PAIP1: variants seen among roughly 807,000 people sequenced by gnomAD.
PAIP1 encodes the protein poly(A) binding protein interacting protein 1, also known as polyadenylate-binding protein-interacting protein 1.
Under a neutral mutation model 61.3 loss-of-function variants are expected in PAIP1, and 16 were observed. That is an observed-to-expected ratio of 0.26 (90% CI 0.18 to 0.40). The LOEUF (loss-of-function observed/expected upper bound fraction) is 0.40. Ranked by LOEUF, PAIP1 falls within the 10% of genes least tolerant of loss-of-function variation. The pLI is 1.00. For synonymous variants in PAIP1, 187 were observed against 226.2 expected, an observed-to-expected ratio of 0.83 and a Z score of 1.56; for missense variants, 416 against 600.9, an observed-to-expected ratio of 0.69 and a Z score of 3.22.
chr5:43,543,191 AAAG>A (rs934405350), intron 3 of PAIP1, 75 bp from the exon 4 acceptor site: 16 of 706,838 alleles, frequency 2.3e-5, no homozygotes, highest in Non-Finnish European at 3.6e-5. Flanking sequence ...GCAACATTCT[AAAG>A]AAGAAAAAAT....
chr5:43,556,827 CG>C lies in PAIP1; in HGVS notation c.19del (p.Arg7GlyfsTer88). 6.9e-7 allele frequency: 1 copy of C among 1,451,148 alleles called. No individual in the cohort carries two copies. The allele number at this position is 1,451,148 out of a possible 1,614,324, so 89.9% of individuals were successfully genotyped here. ...CCGGCCCCGACCAGCACCTGGGGCC[CG>C]ATCGAAACCGTCCGACATGCTCCTC... MSDGFD[R>X]APGAGRGRSR... On this transcript the variant is annotated frameshift_variant, in exon 1 of 11. Transcript: ENST00000306846. LOFTEE classifies it high-confidence loss of function.
Position 43,556,054 on chromosome 5 carries a change from C to T in PAIP1, c.266-55G>A, listed in dbSNP as rs2111613167. Reference sequence around the variant, plus strand: ...ATGCATTCTTTCCTTTGTACAGCAACTTGCTATATACTGAAAAACCATCTG... The same window carrying T: ...ATGCATTCTTTCCTTTGTACAGCAATTTGCTATATACTGAAAAACCATCTG... On this transcript the variant is annotated intron_variant, in intron 1 of 10. Coordinates refer to ENST00000306846, the MANE Select transcript of PAIP1 (RefSeq NM_006451.5). The T allele has an allele frequency of 6.4e-6, 10 of 1,568,112 alleles. No individual in the cohort carries two copies. The South Asian group carries it at 1.2e-4, about 18-fold the overall frequency.
At chr5:43,541,288 C>CTTT (rs777778938) in intron 4 of PAIP1, among the ~76,000 whole-genome samples, 135 of 25,198 alleles carry the variant, frequency 5.4e-3, no homozygotes, top group Non-Finnish European at 7.9e-3. Context: ...CCACGCCCAG[C>CTTT]TTTTTTTTTT....
intron 10 of PAIP1, among the ~76,000 whole-genome samples, chr5:43,529,129 G>GAA (rs10665308): frequency 0.92 from 130,852 of 142,684 alleles, 60,142 homozygotes; most frequent in East Asian, 0.98. Context: ...TAGTTCTCAA[G>GAA]AAAAAAAAAA....
intron 2 of PAIP1, among the ~76,000 whole-genome samples, chr5:43,550,531 C>A (rs954318000): frequency 6.6e-6 from 1 of 152,098 alleles, no homozygotes; most frequent in Non-Finnish European, 1.5e-5. Flanking sequence ...TAGCCACCAG[C>A]TGCATATATG....
chr5:43,547,042 C>CCAAAAAAAAAA (rs1747664472), intron 3 of PAIP1, among the ~76,000 whole-genome samples: 2 of 35,664 alleles, frequency 5.6e-5, no homozygotes, highest in Non-Finnish European at 9.2e-5. Flanking sequence ...GACTCCATAT[C>CCAAAAAAAAAA]AAAAAAAAAA....
At chr5:43,532,483 TATG>T (rs371033245) in intron 9 of PAIP1, among the ~76,000 whole-genome samples, 115 of 152,312 alleles carry the variant, frequency 7.6e-4, no homozygotes, top group Admixed American at 2.4e-3. Context: ...AGATAATTCC[TATG>T]ATATCATCCT....
At chr5:43,552,385 G>A (rs1362262929) in intron 2 of PAIP1, among the ~76,000 whole-genome samples, 1 of 152,184 alleles carries the variant, frequency 6.6e-6, no homozygotes, top group Non-Finnish European at 1.5e-5. Flanking sequence ...AAATGAAAAT[G>A]TATGCCTAGA....
intron 3 of PAIP1, 60 bp from the exon 4 acceptor site, chr5:43,543,176 T>A: frequency 1.2e-6 from 1 of 815,326 alleles, no homozygotes; most frequent in Non-Finnish European, 2.1e-6. Context: ...TGTAAATACT[T>A]AACAGCAACA....
chr5:43,556,860 C>G lies in PAIP1; in HGVS notation c.-14G>C, dbSNP rs942652694. 8 of 1,408,978 alleles carry G rather than the reference C, an allele frequency of 5.7e-6. No homozygotes were observed. Among genetic ancestry groups the G allele is most frequent in the Non-Finnish European group, 3.7e-6 (4 of 1,085,386 alleles). 87.3% of individuals were successfully genotyped at this position (1,408,978 alleles called of 1,614,324 possible). ...ACCGTCCGACATGCTCCTCCTCCTC[C>G]GCCTCCTCCTCCAGGGGCCGCTGCC... On this transcript the variant is annotated 5_prime_UTR_variant, in exon 1 of 11. Transcript: ENST00000306846.
At chr5:43,530,148 T>G (rs1023656662) in intron 9 of PAIP1, among the ~76,000 whole-genome samples, 8 of 152,238 alleles carry the variant, frequency 5.3e-5, no homozygotes, top group African/African-American at 1.9e-4. Context: ...GAACAGTCCT[T>G]CCATTGGAAA....
At chr5:43,550,058 AAAGTTGCATGTAC>A (rs1345072041) in intron 2 of PAIP1, among the ~76,000 whole-genome samples, 2 of 151,246 alleles carry the variant, frequency 1.3e-5, no homozygotes, top group Non-Finnish European at 3.0e-5. Context: ...ATACTTAGCA[AAAGTTGCATGTAC>A]TATGAGAGGC....
chr5:43,534,999 G>T, intron 7 of PAIP1, 29 bp from the exon 8 acceptor site: 1 of 1,225,304 alleles, frequency 8.2e-7, no homozygotes, highest in Non-Finnish European at 1.2e-6. Context: ...ATGAGTTAGT[G>T]TATCCACCAT....
chr5:43,547,517 T>C (rs1315894494), intron 3 of PAIP1, among the ~76,000 whole-genome samples: 1 of 152,214 alleles, frequency 6.6e-6, no homozygotes, highest in Non-Finnish European at 1.5e-5. Context: ...GAATCTTGAC[T>C]ACACATGTGA....
chr5:43,547,300 T>TA (rs1747679901), intron 3 of PAIP1, among the ~76,000 whole-genome samples: 1 of 152,140 alleles, frequency 6.6e-6, no homozygotes, highest in South Asian at 2.1e-4. Flanking sequence ...TTTCCTCCCC[T>TA]ACTCTAATAC....
At chr5:43,544,416 G>GC (rs1401947509) in intron 3 of PAIP1, among the ~76,000 whole-genome samples, 1 of 152,058 alleles carries the variant, frequency 6.6e-6, no homozygotes, top group African/African-American at 2.4e-5. Flanking sequence ...TATTGGCACT[G>GC]CATGTTTTCC....
At chr5:43,556,511 C>T in intron 1 of PAIP1, 71 bp downstream of exon 1, 1 of 1,224,522 alleles carries the variant, frequency 8.2e-7, no homozygotes, top group Non-Finnish European at 1.0e-6. Flanking sequence ...CGCGTCGGGC[C>T]TCGGCACGCG....
intron 3 of PAIP1, among the ~76,000 whole-genome samples, chr5:43,545,395 A>C (rs1338623494): frequency 6.6e-6 from 1 of 152,224 alleles, no homozygotes; most frequent in East Asian, 1.9e-4. Context: ...TCTTTTTGAC[A>C]GAGTACGTCC....
At chr5:43,551,583 T>C (rs1441775948) in intron 2 of PAIP1, among the ~76,000 whole-genome samples, 1 of 152,188 alleles carries the variant, frequency 6.6e-6, no homozygotes. Flanking sequence ...GTTTTTGATA[T>C]ACAGTTACTA....
Sources: gnomAD v4.1 joint callset for allele counts (sites outside exome capture counted in the v4.1 genomes callset) on GRCh38, gnomAD v4.1.1 for gene constraint, MANE v1.5 for transcripts, NCBI Gene and HGNC (gene_info 2026-07-23, HGNC 2026-07-21) for gene names.